The following CRADD variants were observed in gnomAD, a reference collection of about 807,000 sequenced individuals.
The protein encoded by CRADD is CARD and death domain containing adaptor protein.
CRADD carries 9 observed loss-of-function variants against 15.5 expected under a neutral mutation model. The ratio of observed to expected loss-of-function variants is 0.58; its 90% confidence interval spans 0.35 to 1.01. CRADD has a LOEUF of 1.01. Ranked by LOEUF, CRADD falls within the 50% of genes least tolerant of loss-of-function variation. CRADD has a pLI of 0.02. For missense variants in CRADD, 227 were observed against 250.3 expected (o/e 0.91, Z 0.63); for synonymous variants, 118 against 107.6 (o/e 1.10, Z -0.60).
chr12:93,745,180 T>C (rs2136933046), intron 2 of CRADD, among the ~76,000 whole-genome samples: 1 of 152,340 alleles, frequency 6.6e-6, no homozygotes, highest in Admixed American at 6.5e-5. Flanking sequence ...GCACACTTGC[T>C]TATACGTCCA....
At chr12:93,879,037 C>A (rs1257840979) in intron 2 of CRADD, among the ~76,000 whole-genome samples, 4 of 151,818 alleles carry the variant, frequency 2.6e-5, no homozygotes, top group Admixed American at 2.6e-4. Flanking sequence ...TCTTCTGAAT[C>A]TTCTATATTC....
At chr12:93,727,368 A>C (rs1057489554) in intron 2 of CRADD, among the ~76,000 whole-genome samples, 4 of 152,250 alleles carry the variant, frequency 2.6e-5, no homozygotes, top group African/African-American at 9.6e-5. Flanking sequence ...ATGAGGAGTA[A>C]ATAGTTCATC....
chr12:93,842,324 A>T (rs749211039), intron 2 of CRADD, among the ~76,000 whole-genome samples: 15 of 152,184 alleles, frequency 9.9e-5, no homozygotes, highest in Non-Finnish European at 2.2e-4. Context: ...AGCAATAAGG[A>T]ATAGGTAGGA....
chr12:93,760,060 C>T (rs1182527962), intron 2 of CRADD, among the ~76,000 whole-genome samples: 1 of 152,122 alleles, frequency 6.6e-6, no homozygotes, highest in Non-Finnish European at 1.5e-5. Flanking sequence ...CTACCAGTCA[C>T]TTGTTAGCCT....
At chr12:93,831,395 T>A (rs1483811294) in intron 2 of CRADD, 1 of 152,118 alleles carries the variant, frequency 6.6e-6, no homozygotes, top group African/African-American at 2.4e-5. Context: ...TTTTTAATAA[T>A]TTTTTTTATT....
At chr12:93,859,418 G>A in intron 2 of CRADD, 1 of 449,336 alleles carries the variant, frequency 2.2e-6, no homozygotes. Flanking sequence ...CTCGTTACCT[G>A]TGTGGAGTAA....
At chr12:93,687,072 T>G (rs1955456748) in intron 2 of CRADD, among the ~76,000 whole-genome samples, 1 of 152,220 alleles carries the variant, frequency 6.6e-6, no homozygotes, top group African/African-American at 2.4e-5. Context: ...ACAAGATTTT[T>G]TTCTTCCTAC....
At chr12:93,825,923 A>C (rs1957818652) in intron 2 of CRADD, among the ~76,000 whole-genome samples, 1 of 152,216 alleles carries the variant, frequency 6.6e-6, no homozygotes, top group South Asian at 2.1e-4. Context: ...CTTTTAAATG[A>C]ACAAAAAGTG....
chr12:93,818,372 A>C (rs1047777846), intron 2 of CRADD, among the ~76,000 whole-genome samples: 4 of 151,930 alleles, frequency 2.6e-5, no homozygotes, highest in African/African-American at 9.7e-5. Context: ...CCCACTCCCC[A>C]CTCCCTAGCC....
intron 2 of CRADD, among the ~76,000 whole-genome samples, chr12:93,769,604 C>G (rs1334831185): frequency 6.6e-6 from 1 of 152,164 alleles, no homozygotes; most frequent in Admixed American, 6.5e-5. Context: ...ATCTACAATC[C>G]CATCATCAAT....
intron 2 of CRADD, among the ~76,000 whole-genome samples, chr12:93,874,884 G>A (rs369994944): frequency 6.6e-5 from 10 of 152,088 alleles, no homozygotes; most frequent in South Asian, 2.1e-4. Flanking sequence ...GAAAAAAAAC[G>A]TGTATTCTGT....
chr12:93,860,167 A>G (rs1188217682), intron 2 of CRADD, among the ~76,000 whole-genome samples: 1 of 152,054 alleles, frequency 6.6e-6, no homozygotes, highest in Non-Finnish European at 1.5e-5. Flanking sequence ...AGGTTTAGGT[A>G]TAAGATATCA....
intron 2 of CRADD, among the ~76,000 whole-genome samples, chr12:93,805,954 C>T (rs1379134002): frequency 6.6e-6 from 1 of 152,118 alleles, no homozygotes; most frequent in Non-Finnish European, 1.5e-5. Context: ...GCTGTAATTT[C>T]TCAGGCCTGT....
intron 2 of CRADD, among the ~76,000 whole-genome samples, chr12:93,696,226 AC>A (rs1472815775): frequency 6.6e-6 from 1 of 152,174 alleles, no homozygotes; most frequent in Admixed American, 6.5e-5. Flanking sequence ...TAGCAATCCC[AC>A]TACTGGGTAT....
intron 2 of CRADD, among the ~76,000 whole-genome samples, chr12:93,787,706 T>G (rs1352603612): frequency 6.6e-6 from 1 of 152,200 alleles, no homozygotes; most frequent in Non-Finnish European, 1.5e-5. Context: ...CTGTGATTAT[T>G]CTGCCATGAT....
chr12:93,720,485 G>A (rs1057274873), intron 2 of CRADD, among the ~76,000 whole-genome samples: 1 of 152,108 alleles, frequency 6.6e-6, no homozygotes, highest in African/African-American at 2.4e-5. Flanking sequence ...TTTTTTGCCT[G>A]CTAGATATGC....
At chr12:93,816,797 C>T (rs1341836321) in intron 2 of CRADD, among the ~76,000 whole-genome samples, 2 of 152,168 alleles carry the variant, frequency 1.3e-5, no homozygotes, top group African/African-American at 2.4e-5. Flanking sequence ...GGGGGTGCAG[C>T]AGGTGGAGTT....
intron 2 of CRADD, chr12:93,838,084 A>G (rs1957995482): frequency 6.6e-6 from 1 of 152,150 alleles, no homozygotes; most frequent in East Asian, 1.9e-4. Context: ...GTTTCACTTA[A>G]TCATCCTGGA....
intron 2 of CRADD, among the ~76,000 whole-genome samples, chr12:93,764,303 A>T (rs1430344235): frequency 6.6e-6 from 1 of 151,154 alleles, no homozygotes; most frequent in Non-Finnish European, 1.5e-5. Flanking sequence ...CCCTGGTGAG[A>T]GGTGGCCATG....
Sources: gnomAD v4.1 joint callset for allele counts (sites outside exome capture counted in the v4.1 genomes callset) on GRCh38, gnomAD v4.1.1 for gene constraint, MANE v1.5 for transcripts, NCBI Gene and HGNC (gene_info 2026-07-23, HGNC 2026-07-21) for gene names.